PPP4R2: variants seen among roughly 807,000 people sequenced by gnomAD.
PPP4R2 encodes protein phosphatase 4 regulatory subunit 2.
PPP4R2 carries 13 observed loss-of-function variants against 47.2 expected under a neutral mutation model. The observed-to-expected ratio is 0.28, with a 90% CI of 0.18 to 0.44. PPP4R2 has a LOEUF of 0.44. PPP4R2 is among the 20% of genes least tolerant of loss of function. PPP4R2 has a pLI of 1.00. For missense variants in PPP4R2, 421 were observed against 491.2 expected, an observed-to-expected ratio of 0.86 and a Z score of 1.35; for synonymous variants, 151 against 163.3, an observed-to-expected ratio of 0.92 and a Z score of 0.57.
intron 2 of PPP4R2, among the ~76,000 whole-genome samples, chr3:73,041,064 T>C (rs1702368902): frequency 3.3e-5 from 5 of 152,222 alleles, no homozygotes; most frequent in Admixed American, 3.3e-4. Flanking sequence ...ACTATTAATG[T>C]AATCAGAAAA....
chr3:73,065,939 T>C lies in PPP4R2; in HGVS notation c.*217T>C, dbSNP rs1702986186. The C allele has an allele frequency of 2.9e-6, 1 of 342,856 alleles. No individual in the cohort carries two copies. Among genetic ancestry groups the C allele is most frequent in the Admixed American group, 4.5e-5 (1 of 22,384 alleles). The allele number at this position is 342,856 out of a possible 1,614,324, so 21.2% of individuals were successfully genotyped here. On this transcript the variant is annotated 3_prime_UTR_variant, in exon 9 of 9. Coordinates refer to ENST00000356692, the MANE Select transcript of PPP4R2 (RefSeq NM_174907.4). ...TACCTTACCGCTGACTTTTCTTTCT[T>C]TCTTTTTTTGGTCTGGGCAAATCAG...
At chr3:73,016,919 C>T (rs1318987929) in intron 2 of PPP4R2, among the ~76,000 whole-genome samples, 5 of 150,304 alleles carry the variant, frequency 3.3e-5, no homozygotes, top group East Asian at 3.9e-4. Context: ...CTCCACCTCC[C>T]GGGTTCAAGA....
chr3:73,063,966 T>C (rs540760427), intron 6 of PPP4R2, 37 bp from the exon 7 acceptor site: 1 of 1,549,248 alleles, frequency 6.5e-7, no homozygotes, highest in Admixed American at 2.1e-5. Flanking sequence ...TGACTTTTTA[T>C]AAAAATAGGA....
At chr3:73,015,660 C>G (rs1402424276) in intron 2 of PPP4R2, among the ~76,000 whole-genome samples, 1 of 136,740 alleles carries the variant, frequency 7.3e-6, no homozygotes, top group Non-Finnish European at 1.6e-5. Context: ...TTTTTTGAGA[C>G]GGAGTTTCGC....
At chr3:73,049,460 C>T (rs927302919) in intron 3 of PPP4R2, among the ~76,000 whole-genome samples, 7 of 151,742 alleles carry the variant, frequency 4.6e-5, no homozygotes, top group Non-Finnish European at 1.0e-4. Flanking sequence ...GATCTCGCTA[C>T]TGCATTTCAG....
intron 2 of PPP4R2, among the ~76,000 whole-genome samples, chr3:73,036,682 AT>A (rs1158293858): frequency 6.6e-6 from 1 of 152,060 alleles, no homozygotes; most frequent in Non-Finnish European, 1.5e-5. Flanking sequence ...GCTTTTAATG[AT>A]TTTTTTCTTC....
chr3:73,016,623 T>C (rs1701837420), intron 2 of PPP4R2, among the ~76,000 whole-genome samples: 1 of 151,930 alleles, frequency 6.6e-6, no homozygotes, highest in African/African-American at 2.4e-5. Flanking sequence ...CAGAATTCTA[T>C]TTGAGACGGT....
At position 72,997,077 on chromosome 3, in the gene PPP4R2, G is replaced by T; in HGVS notation, c.34+6G>T. On this transcript the variant is annotated splice_donor_region_variant and intron_variant, in intron 1 of 8. Transcript: ENST00000356692. Reference sequence around the variant, plus strand: ...GCTCCAGGAGGCGCTGAAAGGTGGGGGTAGCTGCCCCCTCTCCATTCCCCC... The same window carrying T: ...GCTCCAGGAGGCGCTGAAAGGTGGGTGTAGCTGCCCCCTCTCCATTCCCCC... 2.9e-6 allele frequency: 4 copies of T among 1,394,272 alleles called. No individual in the cohort carries two copies. The highest frequency in any genetic ancestry group is 3.8e-6 in the Non-Finnish European group (4 of 1,057,378). The allele number at this position is 1,394,272 out of a possible 1,614,324, so 86.4% of individuals were successfully genotyped here.
intron 3 of PPP4R2, among the ~76,000 whole-genome samples, chr3:73,055,756 C>T (rs1448722815): frequency 6.6e-6 from 1 of 151,466 alleles, no homozygotes; most frequent in Non-Finnish European, 1.5e-5. Flanking sequence ...GCAACCTCCA[C>T]CGCCCAGGTT....
chr3:73,053,085 G>A (rs1475540522), intron 3 of PPP4R2, among the ~76,000 whole-genome samples: 3 of 152,216 alleles, frequency 2.0e-5, no homozygotes, highest in Non-Finnish European at 4.4e-5. Flanking sequence ...CTCTGACACT[G>A]TTGATTCACT....
chr3:73,042,361 C>CTTTTTTTTTTTT, intron 2 of PPP4R2, among the ~76,000 whole-genome samples: 1 of 75,928 alleles, frequency 1.3e-5, no homozygotes, highest in Non-Finnish European at 2.6e-5. Flanking sequence ...AATATAATTT[C>CTTTTTTTTTTTT]TTTTTTTTTT....
rs375068958 is a variant in PPP4R2, at chr3:73,062,379, A to C, written c.420-1294A>C. ...GGAACCCCAACCCAGCATTGGGGAT[A>C]TTAAGGACATTAAAAAAGCAGCCAA... is the stretch of plus-strand genomic sequence containing the variant. On this transcript the variant is annotated intron_variant, in intron 5 of 8. Transcript: ENST00000356692. The C allele has an allele frequency of 4.9e-5, 78 of 1,607,288 alleles. 1 individual carries two copies. The African/African-American group carries it at 8.0e-4, about 17-fold the overall frequency.
chr3:73,006,357 C>T (rs1400754309), intron 2 of PPP4R2, among the ~76,000 whole-genome samples: 1 of 152,034 alleles, frequency 6.6e-6, no homozygotes. Flanking sequence ...CGCCACCATG[C>T]CTGGCTAGTT....
rs1701426390 is a variant in PPP4R2, at chr3:73,000,005, T to C, written c.116+1847T>C. On this transcript the variant is annotated intron_variant, in intron 2 of 8. Transcript: ENST00000356692. The stretch of plus-strand genomic sequence containing the variant: ...GCTAAACTAAGCTTTGTCTAGTATG[T>C]GAGATTGTAACGAGAGAATGAAAAT... Among the ~76,000 whole-genome samples, 3 of 152,176 alleles carry C rather than the reference T, an allele frequency of 2.0e-5. No homozygotes were observed. The South Asian group carries it at 6.2e-4, about 31-fold the overall frequency.
chr3:73,005,130 A>G (rs972728501), intron 2 of PPP4R2, among the ~76,000 whole-genome samples: 1 of 151,894 alleles, frequency 6.6e-6, no homozygotes, highest in Non-Finnish European at 1.5e-5. Context: ...TTTAGTAGAG[A>G]CGGGGTTTCA....
intron 5 of PPP4R2, 113 bp from the exon 6 acceptor site, chr3:73,063,560 G>T: frequency 4.7e-6 from 3 of 633,852 alleles, no homozygotes; most frequent in Non-Finnish European, 8.6e-6. Flanking sequence ...GGAAGTGGAG[G>T]TTGCAGTGAG....
chr3:73,045,115 T>A (rs1702455858), intron 2 of PPP4R2, among the ~76,000 whole-genome samples: 1 of 152,170 alleles, frequency 6.6e-6, no homozygotes, highest in South Asian at 2.1e-4. Flanking sequence ...TGCCTCGGCC[T>A]CTTGAGTAGC....
intron 2 of PPP4R2, among the ~76,000 whole-genome samples, chr3:73,046,838 A>G (rs1157923062): frequency 6.6e-6 from 1 of 152,236 alleles, no homozygotes; most frequent in Admixed American, 6.5e-5. Flanking sequence ...TAGTGTAACT[A>G]ATGCCCACCT....
At chr3:73,044,002 T>G (rs1702433095) in intron 2 of PPP4R2, among the ~76,000 whole-genome samples, 1 of 152,240 alleles carries the variant, frequency 6.6e-6, no homozygotes, top group East Asian at 1.9e-4. Context: ...TCGTTCTTTT[T>G]GTGTCTGGCT....
Sources: allele counts gnomAD v4.1 joint callset (sites outside exome capture counted in the v4.1 genomes callset), GRCh38; gene constraint gnomAD v4.1.1; transcripts MANE v1.5; gene names NCBI Gene and HGNC (gene_info 2026-07-23, HGNC 2026-07-21).